The following ZBTB20 variants were observed in gnomAD, a reference collection of about 807,000 sequenced individuals.
The protein encoded by ZBTB20 is zinc finger and BTB domain containing 20, also known as zinc finger and BTB domain-containing protein 20.
ZBTB20 carries 9 observed loss-of-function variants against 56.9 expected under a neutral mutation model. That is an observed-to-expected ratio of 0.16 (90% confidence interval 0.10 to 0.28). The LOEUF is 0.28. Among genes scored for constraint, ZBTB20 ranks in the 10% least tolerant of loss-of-function variants. ZBTB20 has a pLI of 1.00. For missense variants in ZBTB20, 655 were observed against 1,003.0 expected (o/e 0.65, Z 4.69); for synonymous variants, 417 against 420.7 (o/e 0.99, Z 0.11).
intron 1 of ZBTB20, among the ~76,000 whole-genome samples, chr3:115,138,999 G>T (rs866186617): frequency 9.9e-5 from 15 of 151,914 alleles, no homozygotes; most frequent in South Asian, 4.1e-4. Context: ...TCCATTATTT[G>T]CATGCATTGA....
chr3:114,359,135 T>G (rs143632321), intron 10 of ZBTB20, among the ~76,000 whole-genome samples: 1 of 152,296 alleles, frequency 6.6e-6, no homozygotes, highest in Non-Finnish European at 1.5e-5. Context: ...TATTAACAAT[T>G]GAATATTAAT....
intron 3 of ZBTB20, among the ~76,000 whole-genome samples, chr3:114,950,109 G>A (rs2077013896): frequency 1.3e-5 from 2 of 152,056 alleles, no homozygotes; most frequent in South Asian, 2.1e-4. Flanking sequence ...TGTTTTCGAC[G>A]AGTAGAACAA....
In ZBTB20 at chr3:114,820,049, C is replaced by T. The variant is rs189622162; in HGVS notation, c.-416-18875G>A. Among the ~76,000 whole-genome samples the T allele has an allele frequency of 3.4e-3, 516 of 151,964 alleles. 3 individuals are homozygous for T. The highest frequency in any genetic ancestry group is 0.012 in the African/African-American group (493 of 41,528). On this transcript the variant is annotated intron_variant, in intron 4 of 11. Coordinates refer to ENST00000675478, the MANE Select transcript of ZBTB20 (RefSeq NM_001348800.3). ...GTAGTTAGAAAAGCACTTTTACATACAATTGGAGAAGAATTCTCAAAGGAA... is the reference window on the plus strand; with the variant it reads ...GTAGTTAGAAAAGCACTTTTACATATAATTGGAGAAGAATTCTCAAAGGAA...
chr3:114,795,263 C>A (rs543518737), intron 5 of ZBTB20, among the ~76,000 whole-genome samples: 1 of 151,942 alleles, frequency 6.6e-6, no homozygotes, highest in African/African-American at 2.4e-5. Context: ...ATATTATTTA[C>A]CTTTGAATTA....
intron 2 of ZBTB20, among the ~76,000 whole-genome samples, chr3:115,042,585 C>T (rs1348300809): frequency 2.0e-5 from 3 of 152,154 alleles, no homozygotes; most frequent in Non-Finnish European, 2.9e-5. Flanking sequence ...TATTCTCTTA[C>T]CCCACCCTTT....
chr3:114,412,562 C>G (rs1386731787), intron 7 of ZBTB20, among the ~76,000 whole-genome samples: 1 of 152,120 alleles, frequency 6.6e-6, no homozygotes, highest in East Asian at 1.9e-4. Flanking sequence ...GGTTGCCACC[C>G]ACTCATAATG....
At chr3:115,126,121 G>A (rs1560591661) in intron 1 of ZBTB20, among the ~76,000 whole-genome samples, 1 of 152,258 alleles carries the variant, frequency 6.6e-6, no homozygotes, top group East Asian at 1.9e-4. Flanking sequence ...CTTGTTTCTT[G>A]AGAAGCAAGA....
chr3:114,941,400 T>G (rs2076719094), intron 3 of ZBTB20, among the ~76,000 whole-genome samples: 1 of 146,422 alleles, frequency 6.8e-6, no homozygotes, highest in Non-Finnish European at 1.5e-5. Flanking sequence ...TACTTCAGGT[T>G]TTTAAAATGC....
intron 5 of ZBTB20, among the ~76,000 whole-genome samples, chr3:114,713,512 C>T (rs1181514324): frequency 6.6e-6 from 1 of 152,188 alleles, no homozygotes; most frequent in Non-Finnish European, 1.5e-5. Flanking sequence ...AGACAGTCCC[C>T]TGTGGTCTCC....
intron 5 of ZBTB20, among the ~76,000 whole-genome samples, chr3:114,724,305 A>T (rs2065121122): frequency 6.6e-6 from 1 of 152,206 alleles, no homozygotes; most frequent in Non-Finnish European, 1.5e-5. Flanking sequence ...GATTGAGCTC[A>T]TCACATGGTA....
chr3:114,698,448 T>C (rs2063190528), intron 5 of ZBTB20, among the ~76,000 whole-genome samples: 1 of 152,132 alleles, frequency 6.6e-6, no homozygotes, highest in Non-Finnish European at 1.5e-5. Flanking sequence ...TTCTCAGTCT[T>C]TGAATGCTGC....
intron 5 of ZBTB20, among the ~76,000 whole-genome samples, chr3:114,760,851 C>T (rs2068382756): frequency 6.6e-6 from 1 of 152,056 alleles, no homozygotes; most frequent in African/African-American, 2.4e-5. Flanking sequence ...TTCACTGTAC[C>T]ATAAGATAAA....
At chr3:114,638,866 A>C (rs2059412517) in intron 6 of ZBTB20, among the ~76,000 whole-genome samples, 1 of 152,108 alleles carries the variant, frequency 6.6e-6, no homozygotes, top group African/African-American at 2.4e-5. Context: ...AAGCCCCCAA[A>C]TGATAAATGT....
At chr3:114,365,119 C>T (rs1036803254) in intron 10 of ZBTB20, among the ~76,000 whole-genome samples, 3 of 152,262 alleles carry the variant, frequency 2.0e-5, no homozygotes, top group African/African-American at 7.2e-5. Flanking sequence ...TCCTCCTACC[C>T]ACCCCAATAC....
At chr3:114,502,717 G>A (rs1476415388) in intron 6 of ZBTB20, 1 of 151,888 alleles carries the variant, frequency 6.6e-6, no homozygotes, top group Non-Finnish European at 1.5e-5. Flanking sequence ...TTAGACTATG[G>A]CACAGGGGCA....
intron 2 of ZBTB20, among the ~76,000 whole-genome samples, chr3:115,050,338 T>C (rs1305823681): frequency 6.6e-6 from 1 of 151,886 alleles, no homozygotes; most frequent in East Asian, 1.9e-4. Flanking sequence ...TATAAGTAAA[T>C]ATTTGTCTCT....
rs1419444493 is a variant in ZBTB20, at chr3:114,326,556, T to A, written c.*12449A>T. The stretch of plus-strand genomic sequence containing the variant: ...AAATAATACAGTAAGGGTGAGCAGT[T>A]ATTTGACTGTCCATGGACAGTAACA... On this transcript the variant is annotated 3_prime_UTR_variant, in exon 12 of 12. Coordinates refer to ENST00000675478, the MANE Select transcript of ZBTB20 (RefSeq NM_001348800.3). The A allele has an allele frequency of 2.6e-5, 4 of 152,170 alleles. No individual in the cohort carries two copies. Among genetic ancestry groups the A allele is most frequent in the African/African-American group, 9.7e-5 (4 of 41,438 alleles). The allele number at this position is 152,170 out of a possible 1,614,324, so 9.4% of individuals were successfully genotyped here.
At chr3:114,762,509 T>A (rs1416352141) in intron 5 of ZBTB20, among the ~76,000 whole-genome samples, 2 of 152,212 alleles carry the variant, frequency 1.3e-5, no homozygotes, top group Non-Finnish European at 2.9e-5. Context: ...AATGGTGGTA[T>A]TTCTTTATGG....
chr3:114,996,695 T>A (rs1406638002), intron 2 of ZBTB20, among the ~76,000 whole-genome samples: 1 of 151,944 alleles, frequency 6.6e-6, no homozygotes, highest in Non-Finnish European at 1.5e-5. Context: ...CATACACATA[T>A]GTCTTTATAG....
Sources: gnomAD v4.1 joint callset for allele counts (sites outside exome capture counted in the v4.1 genomes callset) on GRCh38, gnomAD v4.1.1 for gene constraint, MANE v1.5 for transcripts, NCBI Gene and HGNC (gene_info 2026-07-23, HGNC 2026-07-21) for gene names.